MBNL2: variants seen among roughly 807,000 people sequenced by gnomAD.
MBNL2 encodes muscleblind like splicing regulator 2, also known as muscleblind-like protein 2.
In MBNL2, 17 loss-of-function variants were observed where a neutral mutation model predicts 41.9. That is an observed-to-expected ratio of 0.41 (90% confidence interval 0.28 to 0.61). The LOEUF (loss-of-function observed/expected upper bound fraction) is 0.61, where lower values mean the gene tolerates loss of function less well. Ranked by LOEUF, MBNL2 falls within the 20% of genes least tolerant of loss-of-function variation. MBNL2 has a pLI of 0.35. For synonymous variants in MBNL2, 195 were observed against 182.9 expected (o/e 1.07, Z -0.53); for missense variants, 336 against 505.6 (o/e 0.66, Z 3.22).
intron 1 of MBNL2, among the ~76,000 whole-genome samples, chr13:97,269,474 G>A (rs1366466871): frequency 1.3e-5 from 2 of 152,154 alleles, no homozygotes; most frequent in African/African-American, 4.8e-5. Flanking sequence ...AACTTGAAAT[G>A]CCACCCCTTC....
the MBNL2 span, among the ~76,000 whole-genome samples, chr13:97,201,582 AGC>A: frequency 2.0e-5 from 3 of 152,168 alleles, no homozygotes; most frequent in African/African-American, 7.2e-5. Context: ...AAATTTAGAA[AGC>A]TCTGTCTACT....
Position 97,388,314 on chromosome 13 carries a change from C to CATATATATATATATATAT in MBNL2, c.1049-3003_1049-2986dup, listed in dbSNP as rs34389348. Among the ~76,000 whole-genome samples the CATATATATATATATATAT allele has an allele frequency of 3.9e-3, 545 of 139,598 alleles. 5 individuals carry two copies. Among genetic ancestry groups the CATATATATATATATATAT allele is most frequent in the African/African-American group, 0.012 (432 of 37,484 alleles). 91.6% of individuals were successfully genotyped at this position (139,598 alleles called of 152,430 possible). Reference sequence around the variant, plus strand: ...AAAAGTTTATACATATACATACATACATATATATATATATATATATATCAT... The same window carrying CATATATATATATATATAT: ...AAAAGTTTATACATATACATACATACATATATATATATATATATATATATATATATATATATATATCAT... On this transcript the variant is annotated intron_variant, in intron 8 of 8. Coordinates refer to ENST00000679496, the MANE Select transcript of MBNL2 (RefSeq NM_001382683.1).
the MBNL2 span, among the ~76,000 whole-genome samples, chr13:97,201,279 C>T: frequency 6.6e-6 from 1 of 152,122 alleles, no homozygotes; most frequent in African/African-American, 2.4e-5. Flanking sequence ...TTCCCGTTTC[C>T]AATTATTTCT....
chr13:97,206,428 C>A, the MBNL2 span, among the ~76,000 whole-genome samples: 310 of 151,910 alleles, frequency 2.0e-3, 2 homozygotes, highest in Non-Finnish European at 2.6e-4. Context: ...TTTCTTATTC[C>A]AGTAGCTCCT....
intron 1 of MBNL2, among the ~76,000 whole-genome samples, chr13:97,270,935 C>G (rs955234903): frequency 3.3e-5 from 5 of 151,958 alleles, no homozygotes; most frequent in South Asian, 4.2e-4. Flanking sequence ...TAACAGTAGC[C>G]GTATAGCTTT....
At chr13:97,282,222 G>A (rs1257275404) in intron 2 of MBNL2, among the ~76,000 whole-genome samples, 7 of 152,060 alleles carry the variant, frequency 4.6e-5, no homozygotes, top group Non-Finnish European at 1.0e-4. Context: ...AGTTCTGGTG[G>A]CATGCACTTT....
intron 1 of MBNL2, among the ~76,000 whole-genome samples, chr13:97,256,146 A>G (rs1221451835): frequency 6.6e-6 from 1 of 152,216 alleles, no homozygotes; most frequent in African/African-American, 2.4e-5. Flanking sequence ...CTGACAGAAC[A>G]GTTGGATTAA....
chr13:97,189,997 T>C, the MBNL2 span, among the ~76,000 whole-genome samples: 4 of 152,236 alleles, frequency 2.6e-5, no homozygotes, highest in African/African-American at 9.6e-5. Flanking sequence ...TTTTTTATCA[T>C]TCAGTCTGCT....
At chr13:97,290,477 C>T (rs1278529580) in intron 2 of MBNL2, among the ~76,000 whole-genome samples, 1 of 151,590 alleles carries the variant, frequency 6.6e-6, no homozygotes, top group Admixed American at 6.6e-5. Context: ...GAGATCAAGA[C>T]CATCCTGGCT....
At chr13:97,307,874 T>G (rs978887021) in intron 2 of MBNL2, among the ~76,000 whole-genome samples, 2 of 152,218 alleles carry the variant, frequency 1.3e-5, no homozygotes, top group South Asian at 2.1e-4. Context: ...TTCTGCTCCC[T>G]CTTCAAAATG....
chr13:97,328,835 T>G (rs1594216475), intron 2 of MBNL2, among the ~76,000 whole-genome samples: 1 of 152,348 alleles, frequency 6.6e-6, no homozygotes, highest in East Asian at 1.9e-4. Context: ...TGTGCCCATA[T>G]TTTAATTGAT....
At chr13:97,155,475 C>G in the MBNL2 span, among the ~76,000 whole-genome samples, 1 of 149,922 alleles carries the variant, frequency 6.7e-6, no homozygotes, top group Non-Finnish European at 1.5e-5. Context: ...ATACATGTGC[C>G]ATGCTGGTGT....
intron 1 of MBNL2, among the ~76,000 whole-genome samples, chr13:97,228,529 CTTT>C (rs5806008): frequency 3.9e-5 from 5 of 128,116 alleles, no homozygotes; most frequent in Non-Finnish European, 1.6e-5. Context: ...TATTTATTAT[CTTT>C]TTTTTTTTTT....
At chr13:97,156,372 C>T in the MBNL2 span, among the ~76,000 whole-genome samples, 8 of 147,652 alleles carry the variant, frequency 5.4e-5, no homozygotes, top group African/African-American at 1.5e-4. Flanking sequence ...GGTAGTTTCT[C>T]TTGCTGTGCA....
chr13:97,253,457 T>G (rs1373243774), intron 1 of MBNL2, among the ~76,000 whole-genome samples: 1 of 152,210 alleles, frequency 6.6e-6, no homozygotes, highest in Non-Finnish European at 1.5e-5. Flanking sequence ...TCTTATTATA[T>G]TCTAATTATA....
intron 1 of MBNL2, among the ~76,000 whole-genome samples, chr13:97,250,391 G>A (rs1387288390): frequency 6.6e-6 from 1 of 151,920 alleles, no homozygotes; most frequent in Admixed American, 6.6e-5. Flanking sequence ...CTTTTATTTC[G>A]GGCTGTCTCT....
chr13:97,275,078 A>G (rs886069072), intron 1 of MBNL2, among the ~76,000 whole-genome samples: 1 of 152,236 alleles, frequency 6.6e-6, no homozygotes, highest in East Asian at 1.9e-4. Context: ...GAAGATAAAC[A>G]TTAGGTAAGT....
At chr13:97,210,571 ATTTTTTTTTTTTTTTTTTTTTT>A in the MBNL2 span, among the ~76,000 whole-genome samples, 20 of 65,466 alleles carry the variant, frequency 3.1e-4, no homozygotes, top group East Asian at 2.8e-3. Context: ...ACAACTGTGA[ATTTTTTTTTTTTTTTTTTTTTT>A]TTTTTTTTTT....
chr13:97,224,475 G>A lies in MBNL2; in HGVS notation c.-605+1944G>A, dbSNP rs533526622. ...TTGACTGGAGCACATTGGAGTTCTC[G>A]GGAGTTCCCAAAGCTAATTTGTGTC... On this transcript the variant is annotated intron_variant, in intron 1 of 8. Transcript: ENST00000679496. 3.9e-5 allele frequency among the ~76,000 whole-genome samples: 6 copies of A among 152,078 alleles called. No individual in the cohort carries two copies. In the South Asian group the frequency reaches 6.2e-4, roughly 16 times the overall value.
Sources: gnomAD v4.1 joint callset for allele counts (sites outside exome capture counted in the v4.1 genomes callset) on GRCh38, gnomAD v4.1.1 for gene constraint, MANE v1.5 for transcripts, NCBI Gene and HGNC (gene_info 2026-07-23, HGNC 2026-07-21) for gene names.